Variants in SLC35F4 observed in about 807,000 individuals in gnomAD.
The protein encoded by SLC35F4 is chromosome 14 open reading frame 36.
In SLC35F4, 24 loss-of-function variants were observed where a neutral mutation model predicts 44.2. That is an observed-to-expected ratio of 0.54 (90% CI 0.39 to 0.76). The LOEUF (loss-of-function observed/expected upper bound fraction) is 0.76. Among genes scored for constraint, SLC35F4 ranks in the 30% least tolerant of loss-of-function variants. The pLI is 0.00. For missense variants in SLC35F4, 562 were observed against 586.1 expected (o/e 0.96, Z 0.42); for synonymous variants, 238 against 223.6 (o/e 1.06, Z -0.57).
chr14:57,660,557 G>C (rs2074105580), intron 1 of SLC35F4, among the ~76,000 whole-genome samples: 1 of 149,556 alleles, frequency 6.7e-6, no homozygotes, highest in South Asian at 2.1e-4. Flanking sequence ...TGAACACCAG[G>C]ACACAGAGGA....
At chr14:57,608,991 C>T (rs926645832) in intron 1 of SLC35F4, among the ~76,000 whole-genome samples, 6 of 152,016 alleles carry the variant, frequency 3.9e-5, no homozygotes, top group Non-Finnish European at 8.8e-5. Context: ...GATGAGAAAG[C>T]GCATGCAGGA....
At chr14:57,779,156 A>T (rs867261998) in intron 1 of SLC35F4, among the ~76,000 whole-genome samples, 2 of 152,150 alleles carry the variant, frequency 1.3e-5, no homozygotes, top group Non-Finnish European at 2.9e-5. Context: ...AGTGAAGGAG[A>T]TTGGGACACA....
Position 57,769,849 on chromosome 14 carries a change from T to A in SLC35F4, c.103+95874A>T, listed in dbSNP as rs192491815. Among the ~76,000 whole-genome samples the A allele has an allele frequency of 5.3e-4, 80 of 152,368 alleles. 1 individual carries two copies. The East Asian group carries it at 0.014, about 28-fold the overall frequency. On this transcript the variant is annotated intron_variant, in intron 1 of 7. Transcript: ENST00000556826. ...GCTTGTTTCTTTATAAGACCTGATATAAGGGTTTTAAATGGATTTTGATCA... is the reference window on the plus strand; with the variant it reads ...GCTTGTTTCTTTATAAGACCTGATAAAAGGGTTTTAAATGGATTTTGATCA...
intron 1 of SLC35F4, among the ~76,000 whole-genome samples, chr14:57,902,456 G>A (rs808210): frequency 0.2 from 29,597 of 151,518 alleles, 3,098 homozygotes; most frequent in South Asian, 0.23. Flanking sequence ...CCAGCTACTC[G>A]GGAGGCTGAG....
At chr14:57,710,959 A>G (rs2140401440) in intron 1 of SLC35F4, among the ~76,000 whole-genome samples, 1 of 152,022 alleles carries the variant, frequency 6.6e-6, no homozygotes, top group South Asian at 2.1e-4. Flanking sequence ...ACTTCGGGGG[A>G]CTGTTGGGAA....
chr14:57,756,400 T>C (rs12588798), intron 1 of SLC35F4, among the ~76,000 whole-genome samples: 6,842 of 152,240 alleles, frequency 0.045, 376 homozygotes, highest in East Asian at 0.17. Flanking sequence ...TATCTGAATA[T>C]TGGAATGAAA....
intron 1 of SLC35F4, chr14:57,630,323 G>A (rs947773838): frequency 1.0e-5 from 6 of 579,898 alleles, no homozygotes; most frequent in Middle Eastern, 5.5e-4. Context: ...ATAGAAGGTC[G>A]TATAGTCCTA....
chr14:57,679,465 C>G (rs2074816515), intron 1 of SLC35F4, among the ~76,000 whole-genome samples: 1 of 152,076 alleles, frequency 6.6e-6, no homozygotes, highest in South Asian at 2.1e-4. Context: ...ATTAAAAGAA[C>G]TAGAGAAGCA....
chr14:57,714,130 GAATCAA>G (rs1373426222), intron 1 of SLC35F4, among the ~76,000 whole-genome samples: 1 of 152,002 alleles, frequency 6.6e-6, no homozygotes, highest in Non-Finnish European at 1.5e-5. Flanking sequence ...TGCCTACTCA[GAATCAA>G]AGAGTATAAG....
intron 1 of SLC35F4, among the ~76,000 whole-genome samples, chr14:57,855,277 A>C (rs1595223243): frequency 6.6e-6 from 1 of 152,238 alleles, no homozygotes. Flanking sequence ...AAATTTTTGC[A>C]ATCTATCCAC....
chr14:57,688,559 A>G (rs2140324524), intron 1 of SLC35F4, among the ~76,000 whole-genome samples: 1 of 152,294 alleles, frequency 6.6e-6, no homozygotes, highest in East Asian at 1.9e-4. Flanking sequence ...GTTGGAAAAG[A>G]CCTTCAAGAT....
At chr14:57,582,508 G>T (rs987649529) in intron 3 of SLC35F4, among the ~76,000 whole-genome samples, 2 of 152,074 alleles carry the variant, frequency 1.3e-5, no homozygotes, top group African/African-American at 4.8e-5. Flanking sequence ...GGCTCTGAGG[G>T]GCCATTTTAA....
intron 1 of SLC35F4, among the ~76,000 whole-genome samples, chr14:57,860,077 G>A (rs1447922477): frequency 6.6e-6 from 1 of 152,114 alleles, no homozygotes; most frequent in Non-Finnish European, 1.5e-5. Context: ...ACTCAGGGAA[G>A]GCAGAAAGTG....
chr14:57,604,355 G>T (rs1413038489), intron 1 of SLC35F4: 1 of 152,102 alleles, frequency 6.6e-6, no homozygotes, highest in African/African-American at 2.4e-5. Flanking sequence ...AAGCAAAATA[G>T]ATAAGAAAAT....
At chr14:57,725,202 T>C (rs2076172621) in intron 1 of SLC35F4, among the ~76,000 whole-genome samples, 2 of 152,080 alleles carry the variant, frequency 1.3e-5, no homozygotes, top group Admixed American at 6.5e-5. Flanking sequence ...AATGGGCCCA[T>C]GAACAAAGTG....
intron 1 of SLC35F4, among the ~76,000 whole-genome samples, chr14:57,599,546 T>C (rs1013153215): frequency 6.6e-6 from 1 of 152,020 alleles, no homozygotes. Flanking sequence ...GACAGAGTGA[T>C]TAGAAGAATC....
intron 1 of SLC35F4, among the ~76,000 whole-genome samples, chr14:57,633,422 T>A (rs12891815): frequency 0.41 from 61,696 of 152,106 alleles, 14,136 homozygotes; most frequent in Non-Finnish European, 0.52. Flanking sequence ...ATTTTGGCCA[T>A]TCTAATAGAT....
rs138033880 is a variant in SLC35F4 at position 57,915,348 on chromosome 14, T to C, written n.282+66565A>G. 6.8e-4 allele frequency among the ~76,000 whole-genome samples: 104 copies of C among 152,310 alleles called. 1 individual carries two copies. The highest frequency in any genetic ancestry group is 2.9e-3 in the South Asian group (14 of 4,820). On this transcript the variant is annotated intron_variant and non_coding_transcript_variant, in intron 1 of 1. Coordinates refer to the SLC35F4 transcript ENST00000556568. ...AGAGCACCTGGCTACCTTCTATCTA[T>C]GGTAATCTCTTTAACAAATGGTCAC...
chr14:57,766,237 T>C (rs774334791), intron 1 of SLC35F4, among the ~76,000 whole-genome samples: 8 of 152,242 alleles, frequency 5.3e-5, no homozygotes, highest in Non-Finnish European at 1.0e-4. Context: ...CCATGAATAG[T>C]ATTCTGTGGA....
Sources: gnomAD v4.1 joint callset for allele counts (sites outside exome capture counted in the v4.1 genomes callset) on GRCh38, gnomAD v4.1.1 for gene constraint, MANE v1.5 for transcripts, NCBI Gene and HGNC (gene_info 2026-07-23, HGNC 2026-07-21) for gene names.